ANKS1B: variants seen among roughly 807,000 people sequenced by gnomAD.
ANKS1B encodes ankyrin repeat and sterile alpha motif domain containing 1B.
ANKS1B carries 36 observed loss-of-function variants against 148.3 expected under a neutral mutation model. That is an observed-to-expected ratio of 0.24 (90% CI 0.19 to 0.32). ANKS1B has a LOEUF of 0.32. ANKS1B is among the 10% of genes least tolerant of loss of function. ANKS1B has a pLI of 1.00. For synonymous variants in ANKS1B, 542 were observed against 560.8 expected (o/e 0.97, Z 0.47); for missense variants, 1,157 against 1,542.6 (o/e 0.75, Z 4.19).
chr12:99,539,796 T>C (rs1567306302), intron 9 of ANKS1B, among the ~76,000 whole-genome samples: 1 of 152,106 alleles, frequency 6.6e-6, no homozygotes, highest in Non-Finnish European at 1.5e-5. Context: ...TTCAAATTCC[T>C]GGCCTCAAGG....
chr12:98,924,508 A>G (rs1173603730), intron 17 of ANKS1B, among the ~76,000 whole-genome samples: 1 of 152,116 alleles, frequency 6.6e-6, no homozygotes, highest in Non-Finnish European at 1.5e-5. Context: ...AAACCAAAGT[A>G]GCTTCCCCCA....
chr12:99,316,101 T>C (rs989514992), intron 12 of ANKS1B, among the ~76,000 whole-genome samples: 1 of 152,236 alleles, frequency 6.6e-6, no homozygotes, highest in Non-Finnish European at 1.5e-5. Flanking sequence ...TCCAAGTCTT[T>C]ACTATTATGA....
chr12:99,895,332 C>T (rs1344550674), intron 1 of ANKS1B, among the ~76,000 whole-genome samples: 1 of 150,178 alleles, frequency 6.7e-6, no homozygotes, highest in East Asian at 1.9e-4. Flanking sequence ...AAAATAATTA[C>T]TATAAGTTAC....
Position 99,399,609 on chromosome 12 carries a change from T to C in ANKS1B, c.1756+22A>G, listed in dbSNP as rs1270279114. ...TTCAGTCTTAAAATAAAAATACAGC[T>C]GCATAAAGTGAACTGCTTTACCTGT... On this transcript the variant is annotated intron_variant, in intron 12 of 26. Coordinates refer to ENST00000683438, the MANE Select transcript of ANKS1B (RefSeq NM_001352186.2). 4 of 1,604,874 alleles carry C rather than the reference T, an allele frequency of 2.5e-6. No individual in the cohort carries two copies. The East Asian group carries it at 8.9e-5, about 36-fold the overall frequency.
intron 8 of ANKS1B, chr12:99,706,576 T>C (rs1275536013): frequency 2.0e-5 from 3 of 152,146 alleles, no homozygotes; most frequent in African/African-American, 7.2e-5. Context: ...CTGTTTCTCA[T>C]GCCTTTGTGT....
rs534229347 is a variant in ANKS1B at position 98,773,263 on chromosome 12, T to C, written c.3442-84A>G. On this transcript the variant is annotated intron_variant, in intron 24 of 26. Transcript: ENST00000683438. ...CCAAGACAAGTAACCCAGGAAGCAGTTGCTTTCCTTCTTTCTGGAGTGTTC... is the reference window on the plus strand; with the variant it reads ...CCAAGACAAGTAACCCAGGAAGCAGCTGCTTTCCTTCTTTCTGGAGTGTTC... The C allele has an allele frequency of 4.7e-5, 69 of 1,471,198 alleles. No individual in the cohort carries two copies. In the African/African-American group the frequency reaches 8.7e-4, roughly 19 times the overall value. 91.1% of individuals were successfully genotyped at this position (1,471,198 alleles called of 1,614,324 possible).
chr12:98,821,637 C>T (rs903015934), intron 19 of ANKS1B, among the ~76,000 whole-genome samples: 3 of 152,200 alleles, frequency 2.0e-5, no homozygotes, highest in Admixed American at 6.5e-5. Flanking sequence ...GAGACAGAGT[C>T]TTGCTCTGTT....
At chr12:99,063,425 A>G (rs776086786) in intron 16 of ANKS1B, among the ~76,000 whole-genome samples, 2 of 152,200 alleles carry the variant, frequency 1.3e-5, no homozygotes, top group African/African-American at 2.4e-5. Context: ...GTGAGGATCA[A>G]ATCTACAGGC....
chr12:98,939,755 A>C (rs2099833309), intron 17 of ANKS1B, among the ~76,000 whole-genome samples: 1 of 152,216 alleles, frequency 6.6e-6, no homozygotes, highest in Non-Finnish European at 1.5e-5. Flanking sequence ...TCTTGGAGGA[A>C]CACTTTTAAA....
chr12:99,700,449 A>T (rs538462264), intron 8 of ANKS1B, among the ~76,000 whole-genome samples: 5 of 152,276 alleles, frequency 3.3e-5, no homozygotes, highest in African/African-American at 1.2e-4. Context: ...CATATTGACT[A>T]AGGATTTATT....
chr12:99,876,381 T>C (rs745992422), intron 1 of ANKS1B, among the ~76,000 whole-genome samples: 6 of 152,012 alleles, frequency 3.9e-5, no homozygotes, highest in East Asian at 1.9e-4. Flanking sequence ...CCAAATCATA[T>C]AAAATGAGTA....
intron 8 of ANKS1B, among the ~76,000 whole-genome samples, chr12:99,734,786 CA>C (rs773826888): frequency 1.2e-4 from 18 of 152,256 alleles, no homozygotes; most frequent in South Asian, 4.2e-4. Flanking sequence ...TGAACTTTAC[CA>C]AAATTATTCT....
chr12:99,426,554 G>C (rs547199145), intron 11 of ANKS1B, among the ~76,000 whole-genome samples: 3 of 152,088 alleles, frequency 2.0e-5, no homozygotes, highest in South Asian at 4.2e-4. Context: ...TCAAGTTCTT[G>C]GCTAAAGCAA....
intron 1 of ANKS1B, among the ~76,000 whole-genome samples, chr12:99,888,969 A>AACACACACACAC (rs6144833): frequency 0.028 from 4,056 of 147,240 alleles, 82 homozygotes; most frequent in Middle Eastern, 0.059. Context: ...CCTTCGCCAA[A>AACACACACACAC]ACACACACAC....
At chr12:99,909,217 C>CATGT (rs1399208524) in intron 1 of ANKS1B, among the ~76,000 whole-genome samples, 90 of 137,392 alleles carry the variant, frequency 6.6e-4, no homozygotes, top group African/African-American at 2.0e-3. Context: ...AATATTCCAT[C>CATGT]GTGTGTGTGT....
chr12:99,135,368 A>G (rs2067667546), intron 15 of ANKS1B, among the ~76,000 whole-genome samples: 2 of 152,200 alleles, frequency 1.3e-5, no homozygotes, highest in Admixed American at 1.3e-4. Context: ...CAAAGAAATA[A>G]TAGAAGGGAA....
At chr12:99,695,034 T>G (rs938167915) in intron 8 of ANKS1B, among the ~76,000 whole-genome samples, 1 of 152,140 alleles carries the variant, frequency 6.6e-6, no homozygotes, top group Non-Finnish European at 1.5e-5. Flanking sequence ...CAAAGCAAAC[T>G]GTTTGCTTTC....
At chr12:99,469,805 T>C (rs1226618301) in intron 10 of ANKS1B, among the ~76,000 whole-genome samples, 3 of 152,108 alleles carry the variant, frequency 2.0e-5, no homozygotes, top group Non-Finnish European at 4.4e-5. Flanking sequence ...TCCATTTTAC[T>C]TTAATAGAAA....
intron 14 of ANKS1B, among the ~76,000 whole-genome samples, chr12:99,222,228 T>G (rs12226987): frequency 0.13 from 19,219 of 152,198 alleles, 1,469 homozygotes; most frequent in South Asian, 0.25. Flanking sequence ...TGTGGTTGCC[T>G]ATTGGGAAGA....
Sources: gnomAD v4.1 joint callset for allele counts (sites outside exome capture counted in the v4.1 genomes callset) on GRCh38, gnomAD v4.1.1 for gene constraint, MANE v1.5 for transcripts, NCBI Gene and HGNC (gene_info 2026-07-23, HGNC 2026-07-21) for gene names.